The following NF1 variants were observed in gnomAD, a reference collection of about 807,000 sequenced individuals.
NF1 encodes neurofibromin.
In NF1, 122 loss-of-function variants were observed where a neutral mutation model predicts 325.7. That is an observed-to-expected ratio of 0.37 (90% CI 0.32 to 0.44). The LOEUF is 0.44. Among genes scored for constraint, NF1 ranks in the 20% least tolerant of loss-of-function variants. NF1 has a pLI of 1.00. For missense variants in NF1, 2,140 were observed against 3,415.4 expected, an observed-to-expected ratio of 0.63 and a Z score of 9.31; for synonymous variants, 1,091 against 1,186.0, an observed-to-expected ratio of 0.92 and a Z score of 1.65.
rs779226804 is a variant in NF1 at position 31,236,162 on chromosome 17, T to C, written c.3974+141T>C. On this transcript the variant is annotated intron_variant, in intron 29 of 57. Transcript: ENST00000358273. ...TTTAATTATAAAAGTTATATACAAA[T>C]ACACGTTTCTTTAATGATATCTGTA... 72 of 647,560 alleles carry C rather than the reference T, an allele frequency of 1.1e-4. No homozygotes were observed. Among genetic ancestry groups the C allele is most frequent in the Non-Finnish European group, 1.8e-4 (67 of 374,368 alleles). 40.1% of individuals were successfully genotyped at this position (647,560 alleles called of 1,614,324 possible).
chr17:31,333,634 G>T (rs987865284), intron 39 of NF1, among the ~76,000 whole-genome samples: 1 of 152,116 alleles, frequency 6.6e-6, no homozygotes. Flanking sequence ...TTAAATTATT[G>T]GTTCTCCATC....
At position 31,235,974 on chromosome 17, in the gene NF1, C is replaced by G. The variant is rs767152984; in HGVS notation, c.3927C>G (p.Ile1309Met). 6.2e-7 allele frequency: 1 copy of G among 1,613,952 alleles called. No individual in the cohort carries two copies. The highest frequency in any genetic ancestry group is 1.1e-5 in the South Asian group (1 of 91,074). Reference protein sequence around the residue: ...KLLDPLLRIVITSSDWQHVSF... With the variant: ...KLLDPLLRIVMTSSDWQHVSF... Reference sequence around the variant, plus strand: ...TGGATCCTTTATTACGAATTGTGATCACATCCTCTGATTGGCAACATGTTA... The same window carrying G: ...TGGATCCTTTATTACGAATTGTGATGACATCCTCTGATTGGCAACATGTTA... The change falls in exon 29 of 58, where the codon ATC (isoleucine) becomes ATG (methionine). Residue 1309 changes from isoleucine (I) to methionine (M), a missense_variant. By Grantham distance (10) the Ile-to-Met change is conservative. Transcript: ENST00000358273.
At chr17:31,127,979 GT>G (rs1370525788) in intron 1 of NF1, among the ~76,000 whole-genome samples, 1 of 151,688 alleles carries the variant, frequency 6.6e-6, no homozygotes, top group African/African-American at 2.4e-5. Context: ...GTTTTGTTTG[GT>G]TTTGTTTTTG....
intron 1 of NF1, among the ~76,000 whole-genome samples, chr17:31,151,056 AT>A (rs1179569539): frequency 6.6e-6 from 1 of 151,958 alleles, no homozygotes; most frequent in African/African-American, 2.4e-5. Context: ...AAATAAATAA[AT>A]AAAAATACAG....
intron 24 of NF1, among the ~76,000 whole-genome samples, chr17:31,231,495 C>G (rs1303608222): frequency 1.3e-5 from 2 of 152,120 alleles, no homozygotes; most frequent in Non-Finnish European, 2.9e-5. Flanking sequence ...AAACCCCTGC[C>G]CACATCTTAC....
chr17:31,293,360 G>A (rs555442605), intron 36 of NF1, among the ~76,000 whole-genome samples: 5 of 152,100 alleles, frequency 3.3e-5, no homozygotes, highest in Admixed American at 6.5e-5. Flanking sequence ...GATAGCTTCC[G>A]TATATAGAGA....
chr17:31,370,914 C>G (rs1168566854), intron 57 of NF1, among the ~76,000 whole-genome samples: 1 of 152,026 alleles, frequency 6.6e-6, no homozygotes, highest in Non-Finnish European at 1.5e-5. Context: ...AGAAACAACT[C>G]AGAATTACTG....
At chr17:31,321,018 A>G (rs1397218186) in intron 36 of NF1, 1 of 152,210 alleles carries the variant, frequency 6.6e-6, no homozygotes, top group South Asian at 2.1e-4. Context: ...CAGTGCCCAA[A>G]TAAACAAACT....
intron 30 of NF1, among the ~76,000 whole-genome samples, 180 bp downstream of exon 30, chr17:31,249,299 G>A (rs191728936): frequency 1.3e-5 from 2 of 152,224 alleles, no homozygotes; most frequent in East Asian, 3.9e-4. Context: ...ATATTACTTA[G>A]GCAACAGTTT....
rs548440034 is a variant in NF1 at position 31,374,516 on chromosome 17, G to C, written c.*361G>C. ...GCCAGTGATGAAAGCCATTTGCACA[G>C]AGCTCTGCCTTCTGTGGTTTTCCCT... On this transcript the variant is annotated 3_prime_UTR_variant, in exon 58 of 58. Transcript: ENST00000358273. The C allele has an allele frequency of 2.4e-6, 1 of 423,602 alleles. No individual in the cohort carries two copies. The allele number at this position is 423,602 out of a possible 1,614,324, so 26.2% of individuals were successfully genotyped here.
At chr17:31,292,832 G>A (rs895534893) in intron 36 of NF1, among the ~76,000 whole-genome samples, 1 of 152,060 alleles carries the variant, frequency 6.6e-6, no homozygotes, top group Admixed American at 6.6e-5. Flanking sequence ...AAAATTCTAA[G>A]ACAGCATTGA....
At position 31,377,503 on chromosome 17, in the gene NF1, A is replaced by G. The variant is rs1435039320; in HGVS notation, c.*3348A>G. Reference sequence around the variant, plus strand: ...CTACAACCTTGTTAATACTGTAAACAGTTGTACGCCAGCAGGAAAAATACT... The same window carrying G: ...CTACAACCTTGTTAATACTGTAAACGGTTGTACGCCAGCAGGAAAAATACT... On this transcript the variant is annotated 3_prime_UTR_variant, in exon 58 of 58. Transcript: ENST00000358273. The G allele has an allele frequency of 4.3e-6, 1 of 232,914 alleles. No individual in the cohort carries two copies. Among genetic ancestry groups the G allele is most frequent in the Non-Finnish European group, 8.5e-6 (1 of 117,680 alleles). 14.4% of individuals were successfully genotyped at this position (232,914 alleles called of 1,614,324 possible).
chr17:31,234,670 CAAAAAAAAAAAAA>C (rs754308242), intron 27 of NF1, among the ~76,000 whole-genome samples: 1 of 56,236 alleles, frequency 1.8e-5, no homozygotes, highest in Non-Finnish European at 3.6e-5. Flanking sequence ...GACTCTGTCT[CAAAAAAAAAAAAA>C]AAAAAAAAAA....
At chr17:31,217,957 AG>A (rs2066851100) in intron 13 of NF1, among the ~76,000 whole-genome samples, 1 of 142,400 alleles carries the variant, frequency 7.0e-6, no homozygotes, top group African/African-American at 2.6e-5. Flanking sequence ...AAAAAAAAAA[AG>A]GTAGGCATTC....
At chr17:31,212,658 C>A (rs577310981) in intron 12 of NF1, among the ~76,000 whole-genome samples, 1 of 152,072 alleles carries the variant, frequency 6.6e-6, no homozygotes, top group African/African-American at 2.4e-5. Flanking sequence ...TGCAGTTAGC[C>A]GAGATCGCGC....
intron 13 of NF1, among the ~76,000 whole-genome samples, chr17:31,216,227 G>T (rs1471553105): frequency 6.6e-6 from 1 of 152,164 alleles, no homozygotes; most frequent in Non-Finnish European, 1.5e-5. Context: ...CACATTCAAA[G>T]CAGGCACCAA....
At chr17:31,287,209 T>C (rs2068245447) in intron 36 of NF1, among the ~76,000 whole-genome samples, 1 of 150,934 alleles carries the variant, frequency 6.6e-6, no homozygotes, top group African/African-American at 2.4e-5. Flanking sequence ...CTTCTAATCT[T>C]GTTAACTACC....
At chr17:31,167,633 G>A (rs908102246) in intron 4 of NF1, among the ~76,000 whole-genome samples, 2 of 152,098 alleles carry the variant, frequency 1.3e-5, no homozygotes, top group African/African-American at 4.8e-5. Context: ...TGAATAATGA[G>A]TATGCCTCAT....
chr17:31,248,987 A>G lies in NF1; in HGVS notation c.3978A>G (p.Leu1326=), dbSNP rs876660506. The G allele has an allele frequency of 1.9e-5, 31 of 1,614,030 alleles. No individual in the cohort carries two copies. Among genetic ancestry groups the G allele is most frequent in the Non-Finnish European group, 2.5e-5 (29 of 1,179,918 alleles). The part of the protein sequence containing the change: ...HVSFEVDPTR[L]EPSESLEENQ... ...TTTTATTTTTATTTTTTTGTAGGTT[A>G]GAACCATCAGAGAGCCTTGAGGAAA... The change falls in exon 30 of 58, where the codon TTA becomes TTG. Residue 1326 remains leucine, a synonymous_variant. Coordinates refer to ENST00000358273, the MANE Select transcript of NF1 (RefSeq NM_001042492.3).
Sources: gnomAD v4.1 joint callset for allele counts (sites outside exome capture counted in the v4.1 genomes callset) on GRCh38, gnomAD v4.1.1 for gene constraint, MANE v1.5 for transcripts, NCBI Gene and HGNC (gene_info 2026-07-23, HGNC 2026-07-21) for gene names.